Variants in CLCN3 observed in about 807,000 individuals in gnomAD.
CLCN3 encodes the protein H(+)/Cl(-) exchange transporter 3.
Under a neutral mutation model 83.4 loss-of-function variants are expected in CLCN3, and 16 were observed. The observed-to-expected ratio is 0.19, with a 90% confidence interval of 0.13 to 0.29. The LOEUF (loss-of-function observed/expected upper bound fraction) is 0.29, where lower values mean the gene tolerates loss of function less well. CLCN3 is among the 10% of genes least tolerant of loss of function. The pLI is 1.00. For missense variants in CLCN3, 544 were observed against 1,006.0 expected (o/e 0.54, Z 6.21); for synonymous variants, 322 against 346.2 (o/e 0.93, Z 0.78).
intron 11 of CLCN3, among the ~76,000 whole-genome samples, chr4:169,711,222 T>C (rs1317854824): frequency 2.0e-5 from 3 of 152,260 alleles, no homozygotes; most frequent in African/African-American, 7.2e-5. Context: ...TAATGATACT[T>C]CTGGTAGTTT....
rs1248792659 is a variant in CLCN3 at position 169,722,906 on chromosome 4, G to A, written c.*2909G>A. On this transcript the variant is annotated 3_prime_UTR_variant, in exon 13 of 13. Transcript: ENST00000513761. ...ATGAAATTGTTGTGCCTGGCTAATT[G>A]GCAAATTAATTTACCAATATAATAA... 2.0e-5 allele frequency: 3 copies of A among 152,072 alleles called. No homozygotes were observed. Among genetic ancestry groups the A allele is most frequent in the African/African-American group, 7.2e-5 (3 of 41,382 alleles). 9.4% of individuals were successfully genotyped at this position (152,072 alleles called of 1,614,324 possible).
chr4:169,664,999 C>A (rs1053577862), intron 2 of CLCN3, among the ~76,000 whole-genome samples: 1 of 152,062 alleles, frequency 6.6e-6, no homozygotes. Flanking sequence ...CTTTGTAGCC[C>A]TTTGCAACTT....
intron 7 of CLCN3, 52 bp from the exon 8 acceptor site, chr4:169,695,560 G>T: frequency 2.4e-6 from 3 of 1,274,914 alleles, no homozygotes; most frequent in South Asian, 2.6e-5. Flanking sequence ...ATTTTTATTT[G>T]GTATGTTTGA....
intron 2 of CLCN3, among the ~76,000 whole-genome samples, chr4:169,660,928 A>G (rs1731035655): frequency 6.6e-6 from 1 of 152,200 alleles, no homozygotes; most frequent in African/African-American, 2.4e-5. Context: ...TACATTTTAG[A>G]ACATTTTAAA....
At position 169,697,608 on chromosome 4, in the gene CLCN3, T is replaced by C; in HGVS notation, c.1437T>C (p.Asn479=). The C allele has an allele frequency of 6.2e-7, 1 of 1,614,202 alleles. No homozygotes were observed. Among genetic ancestry groups the C allele is most frequent in the African/African-American group, 1.3e-5 (1 of 75,058 alleles). The part of the protein sequence containing the change: ...SSLCDYRNDM[N]ASKIVDDIPD... ...TTTGTGACTACAGAAATGACATGAA[T>C]GCCAGTAAAATTGTCGATGACATTC... The change falls in exon 9 of 13, where the codon AAT becomes AAC. Residue 479 remains asparagine (N), a synonymous_variant. Coordinates refer to ENST00000513761, the MANE Select transcript of CLCN3 (RefSeq NM_001829.4).
chr4:169,625,327 A>G (rs1355648975), intron 1 of CLCN3, among the ~76,000 whole-genome samples: 1 of 152,070 alleles, frequency 6.6e-6, no homozygotes, highest in East Asian at 1.9e-4. Context: ...CACCTTTGGG[A>G]ATTAGATGTG....
chr4:169,715,872 AT>A (rs1272216360), intron 12 of CLCN3, among the ~76,000 whole-genome samples: 2 of 152,164 alleles, frequency 1.3e-5, no homozygotes, highest in African/African-American at 4.8e-5. Context: ...ATTAAATACA[AT>A]TGAGGTTTCT....
At chr4:169,629,573 G>A (rs1439538625) in intron 1 of CLCN3, among the ~76,000 whole-genome samples, 1 of 152,148 alleles carries the variant, frequency 6.6e-6, no homozygotes, top group Non-Finnish European at 1.5e-5. Flanking sequence ...GTTTCACCAT[G>A]TTGGCCATGC....
intron 10 of CLCN3, among the ~76,000 whole-genome samples, 187 bp downstream of exon 10, chr4:169,704,371 T>G (rs1732911656): frequency 6.6e-6 from 1 of 152,222 alleles, no homozygotes; most frequent in Non-Finnish European, 1.5e-5. Context: ...GTTTTCTGTC[T>G]TACAACATTT....
At chr4:169,691,737 C>A (rs1342461174) in intron 6 of CLCN3, among the ~76,000 whole-genome samples, 1 of 152,120 alleles carries the variant, frequency 6.6e-6, no homozygotes, top group Admixed American at 6.5e-5. Context: ...TTATTTCTAA[C>A]ATAATGTCCA....
chr4:169,633,318 A>G (rs1433340543), intron 1 of CLCN3, among the ~76,000 whole-genome samples: 3 of 152,154 alleles, frequency 2.0e-5, no homozygotes, highest in African/African-American at 7.2e-5. Flanking sequence ...GCTTATCTCT[A>G]ATTTTTATAA....
intron 2 of CLCN3, among the ~76,000 whole-genome samples, chr4:169,650,641 A>G (rs1228968273): frequency 6.6e-6 from 1 of 152,226 alleles, no homozygotes; most frequent in Non-Finnish European, 1.5e-5. Flanking sequence ...GTCTGTTGGG[A>G]AAAGGTCAGA....
intron 1 of CLCN3, among the ~76,000 whole-genome samples, chr4:169,628,243 G>A (rs1457578904): frequency 2.6e-5 from 4 of 152,026 alleles, no homozygotes; most frequent in Non-Finnish European, 5.9e-5. Context: ...GGGGAGGTAG[G>A]GTTAGGCATA....
rs746072762 is a variant in CLCN3 at position 169,636,000 on chromosome 4, T to C, written c.72T>C (p.Ser24=). 1.2e-6 allele frequency: 2 copies of C among 1,613,468 alleles called. No homozygotes were observed. The highest frequency in any genetic ancestry group is 1.3e-5 in the African/African-American group (1 of 74,992). ...ACAACAGTATAACAAGTGCAAGTAG[T>C]GATGAGGAACTTTTAGATGGAGCAG... is the stretch of plus-strand genomic sequence containing the variant. ...NSYNSITSAS[S]DEELLDGAGV... is the part of the protein sequence containing the mutation. Residue 24 remains serine (S), a synonymous_variant, in exon 2 of 13, where the codon AGT becomes AGC. Coordinates refer to ENST00000513761, the MANE Select transcript of CLCN3 (RefSeq NM_001829.4).
At chr4:169,646,571 C>T (rs1387053017) in intron 2 of CLCN3, among the ~76,000 whole-genome samples, 1 of 152,138 alleles carries the variant, frequency 6.6e-6, no homozygotes, top group Non-Finnish European at 1.5e-5. Context: ...GCTGGGATTA[C>T]AGGCGTGAGC....
intron 11 of CLCN3, among the ~76,000 whole-genome samples, chr4:169,711,546 C>A (rs1460324671): frequency 6.6e-6 from 1 of 152,114 alleles, no homozygotes; most frequent in Non-Finnish European, 1.5e-5. Context: ...GACAGGGTTT[C>A]ACCATGTTGG....
chr4:169,710,778 G>C (rs1309016133), intron 11 of CLCN3, among the ~76,000 whole-genome samples: 6 of 152,078 alleles, frequency 3.9e-5, no homozygotes, highest in Non-Finnish European at 7.4e-5. Flanking sequence ...ATTGGGGTTA[G>C]TTTTAATTCA....
chr4:169,689,605 A>C (rs558856126), intron 5 of CLCN3, among the ~76,000 whole-genome samples: 2 of 152,232 alleles, frequency 1.3e-5, no homozygotes, highest in Admixed American at 1.3e-4. Context: ...TAGTAAAATC[A>C]ACCTACGTAG....
intron 2 of CLCN3, among the ~76,000 whole-genome samples, chr4:169,669,018 A>C (rs771016909): frequency 2.6e-5 from 4 of 152,186 alleles, no homozygotes; most frequent in Non-Finnish European, 4.4e-5. Flanking sequence ...AGTGAGGGAC[A>C]GAAGTTTCCT....
Sources: allele counts gnomAD v4.1 joint callset (sites outside exome capture counted in the v4.1 genomes callset), GRCh38; gene constraint gnomAD v4.1.1; transcripts MANE v1.5; gene names NCBI Gene and HGNC (gene_info 2026-07-23, HGNC 2026-07-21).